FOSL2: variants seen among roughly 807,000 people sequenced by gnomAD.
FOSL2 encodes FOS like 2, AP-1 transcription factor subunit, also known as fos-related antigen 2.
A neutral mutation model predicts 27.7 loss-of-function variants in FOSL2; 3 were observed. The observed-to-expected ratio is 0.11, with a 90% CI of 0.05 to 0.28. The LOEUF (loss-of-function observed/expected upper bound fraction) is 0.28. Among genes scored for constraint, FOSL2 ranks in the 10% least tolerant of loss-of-function variants. The pLI, the probability that FOSL2 is intolerant of heterozygous loss-of-function variation, is 1.00. For synonymous variants in FOSL2, 179 were observed against 190.1 expected (o/e 0.94, Z 0.48); for missense variants, 333 against 445.1 (o/e 0.75, Z 2.27).
chr2:28,404,297 C>T lies in FOSL2; in HGVS notation c.293C>T (p.Pro98Leu), dbSNP rs769194572. ...TCTGTCCCTGGACACATGGCCCTCC[C>T]AAGACCTGGCGTGATCAAGACCATT... Reference protein sequence around the residue: ...LASVPGHMALPRPGVIKTIGT... With the variant: ...LASVPGHMALLRPGVIKTIGT... Residue 98 changes from proline (P) to leucine (L), a missense_variant, in exon 2 of 4, where the codon CCA becomes CTA. Physicochemically the swap from Pro to Leu is moderately conservative, Grantham distance 98. This residue lies in a region of FOSL2 where 131 missense variants were observed against 157.9 expected (regional missense o/e 0.83). Coordinates refer to ENST00000264716, the MANE Select transcript of FOSL2 (RefSeq NM_005253.4). This position sits in a 1 kb window ranked among gnomAD's most constrained non-coding sequence, Gnocchi z 4.7. 6.2e-7 allele frequency: 1 copy of T among 1,614,196 alleles called. No individual in the cohort carries two copies. Among genetic ancestry groups the T allele is most frequent in the East Asian group, 2.2e-5 (1 of 44,884 alleles).
At chr2:28,394,137 G>GCCCCCCCCCCC (rs55662920) in intron 1 of FOSL2, among the ~76,000 whole-genome samples, 9 of 80,914 alleles carry the variant, frequency 1.1e-4, no homozygotes, top group Admixed American at 5.7e-4. Flanking sequence ...CCCAGTGTCT[G>GCCCCCCCCCCC]CCCCCCCCCC....
intron 1 of FOSL2, chr2:28,395,712 A>G (rs920360458): frequency 1.3e-5 from 2 of 152,242 alleles, no homozygotes; most frequent in Non-Finnish European, 2.9e-5. Context: ...GGGGTTTCGC[A>G]TAGACGCCTG....
chr2:28,396,789 G>GACACACACACACACACACACACACACAC (rs60104109), intron 1 of FOSL2: 16 of 112,228 alleles, frequency 1.4e-4, no homozygotes, highest in African/African-American at 5.7e-4. Context: ...CCCTTCCCAA[G>GACACACACACACACACACACACACACAC]ACACACACAC....
chr2:28,412,577 T>A lies in FOSL2; in HGVS notation c.*129T>A. ...ACCTGCCACCAGGGAGCTTCCTGGCTCTGGGGGACCCAGGTGGGACTTAGC... is the reference window on the plus strand; with the variant it reads ...ACCTGCCACCAGGGAGCTTCCTGGCACTGGGGGACCCAGGTGGGACTTAGC... On this transcript the variant is annotated 3_prime_UTR_variant, in exon 4 of 4. Transcript: ENST00000264716. The surrounding 1 kb of genome is among the most constrained non-coding windows in gnomAD (Gnocchi z 7.1). The A allele has an allele frequency of 9.0e-7, 1 of 1,106,706 alleles. No individual in the cohort carries two copies. The highest frequency in any genetic ancestry group is 1.6e-5 in the South Asian group (1 of 64,286). 68.6% of individuals were successfully genotyped at this position (1,106,706 alleles called of 1,614,324 possible).
At chr2:28,396,801 C>CACACACACACACACACAA (rs1663847706) in intron 1 of FOSL2, 9 of 146,366 alleles carry the variant, frequency 6.1e-5, no homozygotes, top group African/African-American at 2.3e-4. Context: ...CACACACACA[C>CACACACACACACACACAA]ACACACACAC....
At chr2:28,399,332 A>G (rs915341200) in intron 1 of FOSL2, among the ~76,000 whole-genome samples, 1 of 152,154 alleles carries the variant, frequency 6.6e-6, no homozygotes, top group Non-Finnish European at 1.5e-5. Context: ...CCTAGTTCCA[A>G]TACCTGTCAG....
intron 1 of FOSL2, among the ~76,000 whole-genome samples, chr2:28,401,157 G>A (rs968411980): frequency 1.4e-4 from 22 of 151,914 alleles, no homozygotes; most frequent in Non-Finnish European, 2.8e-4. Flanking sequence ...TAATGATGAT[G>A]GTGGTGGTGA....
chr2:28,410,741 C>A (rs1459907099), intron 3 of FOSL2, among the ~76,000 whole-genome samples: 1 of 152,216 alleles, frequency 6.6e-6, no homozygotes, highest in African/African-American at 2.4e-5. Flanking sequence ...TGCGGGGTGA[C>A]CCTGGCATCC....
chr2:28,413,309 G>A lies in FOSL2; in HGVS notation c.*861G>A, dbSNP rs1664244475. 7.6e-6 allele frequency: 3 copies of A among 396,024 alleles called. No individual in the cohort carries two copies. Among genetic ancestry groups the A allele is most frequent in the Non-Finnish European group, 8.9e-6 (2 of 224,986 alleles). The allele number at this position is 396,024 out of a possible 1,614,324, so 24.5% of individuals were successfully genotyped here. On this transcript the variant is annotated 3_prime_UTR_variant, in exon 4 of 4. Transcript: ENST00000264716. ...TGTCCTAGCCAGCTTCCCTTCACCTGGTGTCTTGAGTAGGGCGTCTCCTGT... is the reference window on the plus strand; with the variant it reads ...TGTCCTAGCCAGCTTCCCTTCACCTAGTGTCTTGAGTAGGGCGTCTCCTGT...
chr2:28,397,373 G>A (rs575991775), intron 1 of FOSL2, among the ~76,000 whole-genome samples: 3 of 151,836 alleles, frequency 2.0e-5, no homozygotes, highest in Non-Finnish European at 4.4e-5. Context: ...AATGTGGGAG[G>A]CATAGATTAA....
chr2:28,407,260 A>G, intron 2 of FOSL2, among the ~76,000 whole-genome samples: 1 of 152,228 alleles, frequency 6.6e-6, no homozygotes, highest in Non-Finnish European at 1.5e-5. Context: ...GGCCTGCAGC[A>G]GGGCCATAAG....
chr2:28,402,013 T>G (rs1235313260), intron 1 of FOSL2, among the ~76,000 whole-genome samples: 1 of 151,330 alleles, frequency 6.6e-6, no homozygotes, highest in African/African-American at 2.4e-5. Flanking sequence ...AACTCTCCTC[T>G]TGAATCTCAG....
At chr2:28,411,467 A>G (rs898022723) in intron 3 of FOSL2, among the ~76,000 whole-genome samples, 3 of 152,158 alleles carry the variant, frequency 2.0e-5, no homozygotes, top group African/African-American at 7.2e-5. Context: ...CCTGGCACCA[A>G]GGCCATAGAA....
intron 2 of FOSL2, among the ~76,000 whole-genome samples, chr2:28,406,047 T>C (rs1276461467): frequency 5.4e-4 from 23 of 42,322 alleles, no homozygotes; most frequent in African/African-American, 4.8e-3. Flanking sequence ...CCATTCCCTT[T>C]TTTTTTTTTT....
At chr2:28,403,711 C>A (rs559150492) in intron 1 of FOSL2, among the ~76,000 whole-genome samples, 1 of 152,168 alleles carries the variant, frequency 6.6e-6, no homozygotes, top group Non-Finnish European at 1.5e-5. Flanking sequence ...AGTTGGCAGG[C>A]GACTCAGAGG....
Position 28,408,257 on chromosome 2 carries a change from A to G in FOSL2, c.355-502A>G, listed in dbSNP as rs1664123326. Among the ~76,000 whole-genome samples, 1 of 151,912 alleles carries G rather than the reference A, an allele frequency of 6.6e-6. No individual in the cohort carries two copies. Among genetic ancestry groups the G allele is most frequent in the Non-Finnish European group, 1.5e-5 (1 of 67,958 alleles). On this transcript the variant is annotated intron_variant, in intron 2 of 3. Transcript: ENST00000264716. This position sits in a 1 kb window ranked among gnomAD's most constrained non-coding sequence, Gnocchi z 4.1. ...TGGGTGGTTCTTAACCTGTGTGGGG[A>G]CTCCAGGCCCAGCTACTTAACAAAA...
At chr2:28,399,460 G>T (rs556162184) in intron 1 of FOSL2, among the ~76,000 whole-genome samples, 40 of 152,266 alleles carry the variant, frequency 2.6e-4, no homozygotes, top group Middle Eastern at 3.4e-3. Context: ...AGGTTTGGTG[G>T]CCCTAGAGGG....
Position 28,392,920 on chromosome 2 carries a change from C to T in FOSL2, c.-801C>T. 1 of 711,638 alleles carries T rather than the reference C, an allele frequency of 1.4e-6. No homozygotes were observed. The highest frequency in any genetic ancestry group is 2.6e-6 in the Non-Finnish European group (1 of 381,780). 44.1% of individuals were successfully genotyped at this position (711,638 alleles called of 1,614,324 possible). ...GCGAACCAGCGAGCGAGCGAACGAGCGGCGCTCGGCGGGGACAGAAAGAGG... is the reference window on the plus strand; with the variant it reads ...GCGAACCAGCGAGCGAGCGAACGAGTGGCGCTCGGCGGGGACAGAAAGAGG... On this transcript the variant is annotated 5_prime_UTR_variant, in exon 1 of 4. Coordinates refer to ENST00000264716, the MANE Select transcript of FOSL2 (RefSeq NM_005253.4).
chr2:28,396,815 C>CACACAA (rs1553376571), intron 1 of FOSL2: 20 of 151,744 alleles, frequency 1.3e-4, no homozygotes, highest in African/African-American at 3.7e-4. Context: ...CACACACACA[C>CACACAA]ACACACACAC....
Sources: allele counts gnomAD v4.1 joint callset (sites outside exome capture counted in the v4.1 genomes callset), GRCh38; gene constraint gnomAD v4.1.1; regional missense constraint gnomAD v4.1.1; non-coding constraint Gnocchi (gnomAD v3.1); transcripts MANE v1.5; gene names NCBI Gene and HGNC (gene_info 2026-07-23, HGNC 2026-07-21).